The following SCN10A variants were observed in gnomAD, a reference collection of about 807,000 sequenced individuals.
SCN10A encodes the protein sodium voltage-gated channel alpha subunit 10, also known as sodium channel protein type 10 subunit alpha.
In SCN10A, 162 loss-of-function variants were observed where a neutral mutation model predicts 170.7. That is an observed-to-expected ratio of 0.95 (90% CI 0.84 to 1.08). SCN10A has a LOEUF of 1.08. Ranked by LOEUF, SCN10A falls within the 50% of genes least tolerant of loss-of-function variation. SCN10A has a pLI of 0.00. For synonymous variants in SCN10A, 985 were observed against 904.6 expected (o/e 1.09, Z -1.59); for missense variants, 2,527 against 2,436.9 (o/e 1.04, Z -0.78).
intron 4 of SCN10A, among the ~76,000 whole-genome samples, chr3:38,780,036 A>G (rs1354393329): frequency 1.3e-5 from 2 of 151,922 alleles, no homozygotes; most frequent in Non-Finnish European, 2.9e-5. Context: ...TTATATTACT[A>G]GGTCATCTAT....
chr3:38,801,409 G>T (rs931395812), intron 1 of SCN10A, among the ~76,000 whole-genome samples: 15 of 152,240 alleles, frequency 9.9e-5, no homozygotes, highest in African/African-American at 3.6e-4. Context: ...ACCAATGAAG[G>T]TCTGTGCTTA....
At chr3:38,802,905 T>A (rs1471323258) in intron 1 of SCN10A, among the ~76,000 whole-genome samples, 1 of 151,956 alleles carries the variant, frequency 6.6e-6, no homozygotes, top group African/African-American at 2.4e-5. Flanking sequence ...ACTCATCTGA[T>A]AAAGGGCTAA....
At chr3:38,789,070 A>G (rs1210692586) in intron 3 of SCN10A, 34 bp from the exon 4 acceptor site, 1 of 1,263,366 alleles carries the variant, frequency 7.9e-7, no homozygotes, top group South Asian at 1.2e-5. Flanking sequence ...AGCTGAGATC[A>G]CCAAGTCTCT....
intron 15 of SCN10A, among the ~76,000 whole-genome samples, chr3:38,730,621 AAAT>A (rs1424795876): frequency 1.3e-5 from 2 of 151,950 alleles, no homozygotes; most frequent in South Asian, 2.1e-4. Flanking sequence ...TAAAGAAATA[AAAT>A]AATAACTTGA....
In SCN10A at chr3:38,752,390, T is replaced by G; in HGVS notation, c.1584A>C (p.Gly528=). 2.5e-6 allele frequency: 4 copies of G among 1,613,970 alleles called. No homozygotes were observed. The highest frequency in any genetic ancestry group is 3.4e-6 in the Non-Finnish European group (4 of 1,179,946). ...GAGAGCCCCGATGGCTTTCGTGGTC[T>G]CCAGGAAAGACTCCATCATCTGTGA... is the stretch of plus-strand genomic sequence containing the variant. ...EGVTDDGVFP[G]DHESHRGSLL... is the part of the protein sequence containing the mutation. The change falls in exon 12 of 28, where the codon GGA becomes GGC. Residue 528 remains glycine (G), a synonymous_variant. Coordinates refer to ENST00000449082, the MANE Select transcript of SCN10A (RefSeq NM_006514.4).
At chr3:38,794,973 AC>A (rs1182611153) in intron 1 of SCN10A, among the ~76,000 whole-genome samples, 8 of 152,052 alleles carry the variant, frequency 5.3e-5, no homozygotes, top group Admixed American at 4.6e-4. Context: ...GTATCTTCCT[AC>A]ATTCTAAGGA....
chr3:38,736,979 T>TTTTTTTTTTG, intron 15 of SCN10A, among the ~76,000 whole-genome samples: 1 of 111,542 alleles, frequency 9.0e-6, no homozygotes, highest in Non-Finnish European at 1.9e-5. Context: ...TTTTTTTTTT[T>TTTTTTTTTTG]TTTTTTTTTG....
At chr3:38,699,383 G>A (rs2063133859) in intron 27 of SCN10A, among the ~76,000 whole-genome samples, 1 of 151,902 alleles carries the variant, frequency 6.6e-6, no homozygotes, top group South Asian at 2.1e-4. Context: ...TTGGTCTTGG[G>A]GACCTGGGGA....
At chr3:38,732,754 C>A (rs2063523891) in intron 15 of SCN10A, among the ~76,000 whole-genome samples, 1 of 152,086 alleles carries the variant, frequency 6.6e-6, no homozygotes, top group South Asian at 2.1e-4. Context: ...GTTTATTAAA[C>A]CTTAGTATTG....
chr3:38,716,876 T>G (rs1417792855), intron 21 of SCN10A, among the ~76,000 whole-genome samples: 4 of 151,800 alleles, frequency 2.6e-5, no homozygotes, highest in African/African-American at 9.7e-5. Context: ...GTTGATAGGA[T>G]GGATGAATGG....
At chr3:38,715,143 C>T (rs193013326) in intron 21 of SCN10A, among the ~76,000 whole-genome samples, 1 of 152,312 alleles carries the variant, frequency 6.6e-6, no homozygotes, top group Non-Finnish European at 1.5e-5. Flanking sequence ...GACCCAGCTG[C>T]CTGGGTGCAT....
intron 15 of SCN10A, among the ~76,000 whole-genome samples, chr3:38,733,268 C>T (rs2063528623): frequency 6.6e-6 from 1 of 152,142 alleles, no homozygotes; most frequent in Non-Finnish European, 1.5e-5. Context: ...GTTATATTGG[C>T]CTCCTTCAGG....
chr3:38,812,548 C>T (rs1427283000), intron 1 of SCN10A, among the ~76,000 whole-genome samples: 1 of 152,108 alleles, frequency 6.6e-6, no homozygotes, highest in Non-Finnish European at 1.5e-5. Flanking sequence ...ACCTGTGTAA[C>T]TACCCCCAAG....
chr3:38,714,262 T>C (rs535162313), intron 21 of SCN10A, among the ~76,000 whole-genome samples, 182 bp from the exon 22 acceptor site: 1 of 152,258 alleles, frequency 6.6e-6, no homozygotes, highest in Admixed American at 6.5e-5. Flanking sequence ...TCCCTTTTAT[T>C]AAAAATTTTA....
Position 38,718,842 on chromosome 3 carries a change from G to GA in SCN10A, c.3508-17dup. ...CTTCAAAGGCCTGGAAGGAAGAAAG[G>GA]ATGCAGAATGGCAGGCTGCCTGGAC... On this transcript the variant is annotated splice_polypyrimidine_tract_variant and intron_variant, in intron 20 of 27. Transcript: ENST00000449082. The GA allele has an allele frequency of 6.2e-7, 1 of 1,612,662 alleles. No individual in the cohort carries two copies.
At chr3:38,782,865 T>C (rs891146254) in intron 4 of SCN10A, among the ~76,000 whole-genome samples, 1 of 152,174 alleles carries the variant, frequency 6.6e-6, no homozygotes, top group African/African-American at 2.4e-5. Flanking sequence ...TTAAAACAAA[T>C]GTTTGTGTAT....
At position 38,756,674 on chromosome 3, in the gene SCN10A, C is replaced by T; in HGVS notation, c.1290G>A (p.Glu430=). 2 of 1,612,582 alleles carry T rather than the reference C, an allele frequency of 1.2e-6. No individual in the cohort carries two copies. The highest frequency in any genetic ancestry group is 1.7e-6 in the Non-Finnish European group (2 of 1,179,240). The stretch of plus-strand genomic sequence containing the variant: ...CACAAAGCTTCCACTCCTCACAAAC[C>T]TCCTGCTCCTTCCGGAGCATCTCGA... The part of the protein sequence containing the change: ...EALEMLRKEQ[E]VLAALGIDTT... The change falls in exon 10 of 28, where the codon GAG becomes GAA. Residue 430 remains glutamate, a splice_region_variant and synonymous_variant. Transcript: ENST00000449082.
Position 38,709,545 on chromosome 3 carries a change from C to A in SCN10A, c.4214G>T (p.Gly1405Val). ...AAAGAGATTCAGTGTGAAGAAGCCT[C>A]CAAAAATGATGAAGATGACAAAGTA... is the stretch of plus-strand genomic sequence containing the variant. ...YLYFVIFIIF[G>V]GFFTLNLFVG... is the part of the protein sequence containing the mutation. The change falls in exon 25 of 28, where the codon GGA becomes GTA. Residue 1405 changes from glycine (G) to valine (V), a missense_variant. Transcript: ENST00000449082. The A allele has an allele frequency of 6.2e-7, 1 of 1,613,016 alleles. No individual in the cohort carries two copies. The highest frequency in any genetic ancestry group is 8.5e-7 in the Non-Finnish European group (1 of 1,179,522).
chr3:38,710,012 C>T (rs1420735935), intron 24 of SCN10A, among the ~76,000 whole-genome samples: 1 of 152,120 alleles, frequency 6.6e-6, no homozygotes, highest in Non-Finnish European at 1.5e-5. Flanking sequence ...GCTCCTAAGC[C>T]CTGGAGTCTT....
Sources: gnomAD v4.1 joint callset for allele counts (sites outside exome capture counted in the v4.1 genomes callset) on GRCh38, gnomAD v4.1.1 for gene constraint, MANE v1.5 for transcripts, NCBI Gene and HGNC (gene_info 2026-07-23, HGNC 2026-07-21) for gene names.